MYT1L: variants seen among roughly 807,000 people sequenced by gnomAD.
The protein encoded by MYT1L is myelin transcription factor 1-like protein.
A neutral mutation model predicts 126.7 loss-of-function variants in MYT1L; 12 were observed. That is an observed-to-expected ratio of 0.09 (90% CI 0.06 to 0.15). The LOEUF (loss-of-function observed/expected upper bound fraction) is 0.15, where lower values mean the gene tolerates loss of function less well. Among genes scored for constraint, MYT1L ranks in the 10% least tolerant of loss-of-function variants. The pLI is 1.00. For missense variants in MYT1L, 979 were observed against 1,585.2 expected (o/e 0.62, Z 6.49); for synonymous variants, 541 against 604.2 (o/e 0.90, Z 1.53).
chr2:1,934,160 G>C (rs2055443466), intron 9 of MYT1L, among the ~76,000 whole-genome samples: 1 of 151,254 alleles, frequency 6.6e-6, no homozygotes, highest in African/African-American at 2.4e-5. Context: ...ATTTTTAGTA[G>C]AGACGGGGTT....
chr2:1,797,778 A>G (rs1041617039), intron 23 of MYT1L, among the ~76,000 whole-genome samples: 2 of 152,152 alleles, frequency 1.3e-5, no homozygotes, highest in African/African-American at 4.8e-5. Context: ...TAGTAAGAAC[A>G]CTCCTGGGCT....
chr2:1,959,751 C>T (rs2058806147), intron 8 of MYT1L, among the ~76,000 whole-genome samples: 1 of 152,220 alleles, frequency 6.6e-6, no homozygotes, highest in Non-Finnish European at 1.5e-5. Context: ...AGATGCTGCA[C>T]ATTCTTTGAA....
Position 1,889,361 on chromosome 2 carries a change from C to T in MYT1L, c.2400G>A (p.Gln800=), listed in dbSNP as rs75247762. 0.053 allele frequency: 85,079 copies of T among 1,613,880 alleles called. 2,794 individuals are homozygous for T. Among genetic ancestry groups the T allele is most frequent in the East Asian group, 0.19 (8,518 of 44,850 alleles). The change falls in exon 16 of 25, where the codon CAG becomes CAA. Residue 800 remains glutamine, a synonymous_variant. Coordinates refer to ENST00000647738, the MANE Select transcript of MYT1L (RefSeq NM_001303052.2). The surrounding 1 kb of genome is among the most constrained non-coding windows in gnomAD (Gnocchi z 4.1). ...LTPLEPMSPQ[Q]QAVMNNRCFQ... is the part of the protein sequence containing the mutation. ...AACACCGGTTGTTCATCACTGCCTG[C>T]TGCTGGGGGGACATGGGCTCCAGAG...
At chr2:2,209,862 G>A (rs937808441) in intron 2 of MYT1L, among the ~76,000 whole-genome samples, 1 of 152,038 alleles carries the variant, frequency 6.6e-6, no homozygotes, top group Non-Finnish European at 1.5e-5. Flanking sequence ...GTAGTTTTTT[G>A]AGGAATCTCC....
At chr2:1,832,753 T>TC (rs1399593906) in intron 21 of MYT1L, among the ~76,000 whole-genome samples, 1 of 152,152 alleles carries the variant, frequency 6.6e-6, no homozygotes, top group Admixed American at 6.5e-5. Context: ...GTGCCTTTTT[T>TC]CAAAATTCAG....
intron 2 of MYT1L, among the ~76,000 whole-genome samples, chr2:2,187,731 T>C (rs1448660633): frequency 6.6e-6 from 1 of 152,112 alleles, no homozygotes; most frequent in East Asian, 1.9e-4. Flanking sequence ...CTGGGCTGTT[T>C]AGTTGGCCAA....
chr2:2,296,611 G>T (rs987555015), intron 1 of MYT1L, among the ~76,000 whole-genome samples: 5 of 152,118 alleles, frequency 3.3e-5, no homozygotes, highest in African/African-American at 1.2e-4. Flanking sequence ...AGAAGAGAGA[G>T]GGGGAGTGAG....
At chr2:1,980,272 A>G (rs2060504750) in intron 5 of MYT1L, among the ~76,000 whole-genome samples, 1 of 147,608 alleles carries the variant, frequency 6.8e-6, no homozygotes, top group Admixed American at 6.8e-5. Context: ...GAGAATCTAA[A>G]TATTATATAT....
chr2:2,134,447 T>C (rs1466768104), intron 3 of MYT1L, among the ~76,000 whole-genome samples: 1 of 152,226 alleles, frequency 6.6e-6, no homozygotes, highest in African/African-American at 2.4e-5. Flanking sequence ...AAATCATACA[T>C]GCTGCTATTA....
intron 2 of MYT1L, among the ~76,000 whole-genome samples, chr2:2,266,297 C>T (rs2095128029): frequency 6.6e-6 from 1 of 152,204 alleles, no homozygotes; most frequent in Admixed American, 6.5e-5. Flanking sequence ...CATTGCTCCC[C>T]TTGGGAATAC....
At position 1,910,477 on chromosome 2, in the gene MYT1L, C is replaced by A; in HGVS notation, c.1710-130G>T. The A allele has an allele frequency of 1.3e-6, 1 of 756,532 alleles. No homozygotes were observed. Among genetic ancestry groups the A allele is most frequent in the Non-Finnish European group, 2.2e-6 (1 of 450,060 alleles). 46.9% of individuals were successfully genotyped at this position (756,532 alleles called of 1,614,324 possible). On this transcript the variant is annotated intron_variant, in intron 12 of 24. Transcript: ENST00000647738. The surrounding 1 kb of genome is among the most constrained non-coding windows in gnomAD (Gnocchi z 4.8). ...GAGGGGTAGTTTCCCAAACCTGGCA[C>A]AGGCAGTCCTGATGGGTGGACTGGG...
intron 4 of MYT1L, among the ~76,000 whole-genome samples, chr2:2,001,025 T>C (rs966584070): frequency 1.3e-5 from 2 of 152,208 alleles, no homozygotes; most frequent in Non-Finnish European, 2.9e-5. Flanking sequence ...TGGAGTTTGA[T>C]GAGTTTGATG....
chr2:1,869,571 A>G (rs942590329), intron 18 of MYT1L, among the ~76,000 whole-genome samples: 3 of 152,214 alleles, frequency 2.0e-5, no homozygotes, highest in Non-Finnish European at 4.4e-5. Context: ...GGGGAGAAGC[A>G]TTTAGTTCTA....
chr2:1,996,351 C>T (rs955912961), intron 5 of MYT1L, among the ~76,000 whole-genome samples: 2 of 151,698 alleles, frequency 1.3e-5, no homozygotes, highest in Admixed American at 1.3e-4. Context: ...TGTACAGAAC[C>T]GAGTGTAGAC....
chr2:1,962,264 T>C (rs1175086186), intron 8 of MYT1L, among the ~76,000 whole-genome samples: 1 of 152,186 alleles, frequency 6.6e-6, no homozygotes, highest in Non-Finnish European at 1.5e-5. Context: ...CAAAAATCAA[T>C]TGTTGAGTAG....
intron 5 of MYT1L, among the ~76,000 whole-genome samples, chr2:1,988,293 C>A (rs1369134252): frequency 6.6e-6 from 1 of 152,240 alleles, no homozygotes; most frequent in Non-Finnish European, 1.5e-5. Context: ...CTGCGGAGCG[C>A]CGGGCACACA....
intron 3 of MYT1L, among the ~76,000 whole-genome samples, chr2:2,129,425 G>A (rs1398833685): frequency 6.6e-6 from 1 of 152,160 alleles, no homozygotes; most frequent in Admixed American, 6.5e-5. Flanking sequence ...CAGTTTGATT[G>A]AAAAGAATGA....
At chr2:1,851,091 G>GT (rs2043205042) in intron 19 of MYT1L, among the ~76,000 whole-genome samples, 1 of 152,134 alleles carries the variant, frequency 6.6e-6, no homozygotes, top group African/African-American at 2.4e-5. Flanking sequence ...TGAATGTCAA[G>GT]TGGTATAGAA....
chr2:2,261,748 G>A (rs964836969), intron 2 of MYT1L, among the ~76,000 whole-genome samples: 3 of 152,208 alleles, frequency 2.0e-5, no homozygotes, highest in Non-Finnish European at 4.4e-5. Context: ...GCCTAATGAT[G>A]ATGTGCTTCT....
Sources: allele counts gnomAD v4.1 joint callset (sites outside exome capture counted in the v4.1 genomes callset), GRCh38; gene constraint gnomAD v4.1.1; non-coding constraint Gnocchi (gnomAD v3.1); transcripts MANE v1.5; gene names NCBI Gene and HGNC (gene_info 2026-07-23, HGNC 2026-07-21).